The following CLYBL variants were observed in gnomAD, a reference collection of about 807,000 sequenced individuals.
The protein encoded by CLYBL is citramalyl-CoA lyase.
A neutral mutation model predicts 38.9 loss-of-function variants in CLYBL; 31 were observed. The ratio of observed to expected loss-of-function variants is 0.80; its 90% CI spans 0.60 to 1.08. The LOEUF (loss-of-function observed/expected upper bound fraction) is 1.08. CLYBL is among the 50% of genes least tolerant of loss of function. CLYBL has a pLI of 0.00. For synonymous variants in CLYBL, 171 were observed against 158.6 expected, an observed-to-expected ratio of 1.08 and a Z score of -0.59; for missense variants, 434 against 411.6, an observed-to-expected ratio of 1.05 and a Z score of -0.47.
chr13:99,866,594 A>G (rs2051751514), intron 6 of CLYBL, among the ~76,000 whole-genome samples, 187 bp downstream of exon 6: 1 of 151,928 alleles, frequency 6.6e-6, no homozygotes, highest in Non-Finnish European at 1.5e-5. Flanking sequence ...TTGGCCCTGC[A>G]AGTCAACAAA....
chr13:99,847,337 CTG>C (rs2051229123), intron 2 of CLYBL, among the ~76,000 whole-genome samples: 1 of 152,234 alleles, frequency 6.6e-6, no homozygotes, highest in Admixed American at 6.5e-5. Flanking sequence ...TTTGATGACA[CTG>C]TTCCCTTTTG....
In CLYBL at chr13:99,870,810, T is replaced by A. The variant is rs370294034; in HGVS notation, c.803-128T>A. ...TGTTTGTTTTGTTTTGTTTACTCAA[T>A]AAAAAGTTTTAAATTAGTTATTTAA... On this transcript the variant is annotated intron_variant, in intron 6 of 8. Coordinates refer to ENST00000339105, the MANE Select transcript of CLYBL (RefSeq NM_206808.5). 2.7e-3 allele frequency: 2,410 copies of A among 899,756 alleles called. 85 individuals are homozygous for A. The South Asian group carries it at 0.047, about 17-fold the overall frequency. The allele number at this position is 899,756 out of a possible 1,614,324, so 55.7% of individuals were successfully genotyped here. A position where few individuals can be genotyped will look rare whatever the true frequency, so the allele number is the denominator to read the frequency against.
chr13:99,759,763 T>G (rs1007270245), intron 1 of CLYBL, among the ~76,000 whole-genome samples: 3 of 152,246 alleles, frequency 2.0e-5, no homozygotes, highest in Non-Finnish European at 4.4e-5. Flanking sequence ...GTAGCTGTTA[T>G]GTTGCTTCTC....
At chr13:99,791,096 G>T (rs968907954) in intron 2 of CLYBL, among the ~76,000 whole-genome samples, 1 of 152,068 alleles carries the variant, frequency 6.6e-6, no homozygotes, top group African/African-American at 2.4e-5. Context: ...TGTCACTTGT[G>T]GGCAACTTAA....
intron 1 of CLYBL, among the ~76,000 whole-genome samples, chr13:99,672,766 T>A (rs1157277883): frequency 6.6e-6 from 1 of 152,148 alleles, no homozygotes; most frequent in Non-Finnish European, 1.5e-5. Flanking sequence ...CAAGACCCTG[T>A]CTCAAAAAAT....
At chr13:99,754,015 A>G (rs948326649) in intron 1 of CLYBL, among the ~76,000 whole-genome samples, 2 of 137,642 alleles carry the variant, frequency 1.5e-5, no homozygotes, top group Non-Finnish European at 3.1e-5. Context: ...TGAACCGGGG[A>G]GGCAGAGGTT....
At position 99,712,961 on chromosome 13, in the gene CLYBL, G is replaced by C. The variant is rs543916985; in HGVS notation, c.63-59863G>C. ...GTGTCTTCTAGTAGTTATGTGAAAAGAGGGTTCGTGAAAGTTAAATGTTTT... is the reference window on the plus strand; with the variant it reads ...GTGTCTTCTAGTAGTTATGTGAAAACAGGGTTCGTGAAAGTTAAATGTTTT... On this transcript the variant is annotated intron_variant, in intron 1 of 8. Coordinates refer to ENST00000339105, the MANE Select transcript of CLYBL (RefSeq NM_206808.5). 1.6e-4 allele frequency among the ~76,000 whole-genome samples: 24 copies of C among 152,264 alleles called. No individual in the cohort carries two copies. In the South Asian group the frequency reaches 4.8e-3, roughly 30 times the overall value.
At position 99,833,683 on chromosome 13, in the gene CLYBL, C is replaced by CTTTTT. The variant is rs35378080; in HGVS notation, c.250-25156_250-25152dup. On this transcript the variant is annotated intron_variant, in intron 2 of 8. Transcript: ENST00000339105. ...GACAGGAAGCGGGGTTACCGTGTTG[C>CTTTTT]TTTTTTTTTTTTTTTTTTTTTTTTT... 1.6e-4 allele frequency among the ~76,000 whole-genome samples: 9 copies of CTTTTT among 56,112 alleles called. 1 individual carries two copies. Among genetic ancestry groups the CTTTTT allele is most frequent in the Admixed American group, 2.8e-4 (1 of 3,626 alleles). 36.8% of individuals were successfully genotyped at this position (56,112 alleles called of 152,430 possible).
At chr13:99,744,511 G>T (rs1489376927) in intron 1 of CLYBL, among the ~76,000 whole-genome samples, 1 of 152,148 alleles carries the variant, frequency 6.6e-6, no homozygotes. Flanking sequence ...AGTCTGCAGG[G>T]TTCTTATGAC....
intron 7 of CLYBL, among the ~76,000 whole-genome samples, chr13:99,884,145 C>G (rs1214100626): frequency 1.3e-5 from 2 of 152,172 alleles, no homozygotes; most frequent in Non-Finnish European, 2.9e-5. Flanking sequence ...ACCACACTGG[C>G]CCCGACATTA....
chr13:99,731,358 G>A (rs2048587140), intron 1 of CLYBL, among the ~76,000 whole-genome samples: 1 of 150,788 alleles, frequency 6.6e-6, no homozygotes, highest in Admixed American at 6.6e-5. Context: ...AAGCGGCTGA[G>A]CCCAGGGGCT....
intron 8 of CLYBL, among the ~76,000 whole-genome samples, chr13:99,902,962 G>A (rs2052657781): frequency 6.6e-6 from 1 of 152,216 alleles, no homozygotes; most frequent in South Asian, 2.1e-4. Flanking sequence ...TGATGGCAGT[G>A]TTCCGTCTTT....
At chr13:99,798,827 C>G (rs1215900458) in intron 2 of CLYBL, among the ~76,000 whole-genome samples, 1 of 152,070 alleles carries the variant, frequency 6.6e-6, no homozygotes, top group African/African-American at 2.4e-5. Flanking sequence ...TTGTTAATGC[C>G]AATAGGGATT....
chr13:99,631,351 G>GTGTGTGTGTA (rs2046941569), intron 1 of CLYBL, among the ~76,000 whole-genome samples: 1 of 151,538 alleles, frequency 6.6e-6, no homozygotes, highest in Non-Finnish European at 1.5e-5. Context: ...GTGTGTGTGT[G>GTGTGTGTGTA]TGTGTGTGTG....
At chr13:99,832,999 C>CACATATATATATATAT (rs2050838719) in intron 2 of CLYBL, among the ~76,000 whole-genome samples, 1 of 53,680 alleles carries the variant, frequency 1.9e-5, no homozygotes, top group Non-Finnish European at 3.6e-5. Context: ...TATATACATA[C>CACATATATATATATAT]ATACATACAT....
In CLYBL at chr13:99,694,530, C is replaced by T. The variant is rs563586476; in HGVS notation, c.63-78294C>T. 9.3e-4 allele frequency among the ~76,000 whole-genome samples: 142 copies of T among 152,324 alleles called. 2 individuals are homozygous for T. Among genetic ancestry groups the T allele is most frequent in the Admixed American group, 9.3e-3 (142 of 15,296 alleles). ...GCCACCTCTATAAATGGCTGTTTTT[C>T]ACATTTGGTTCCAGCAGGTTCCATC... On this transcript the variant is annotated intron_variant, in intron 1 of 8. Coordinates refer to ENST00000339105, the MANE Select transcript of CLYBL (RefSeq NM_206808.5).
Position 99,793,033 on chromosome 13 carries a change from A to AACACAC in CLYBL, c.249+20053_249+20058dup, listed in dbSNP as rs10631674. Among the ~76,000 whole-genome samples the AACACAC allele has an allele frequency of 7.6e-3, 1,106 of 146,046 alleles. 14 individuals carry two copies. The highest frequency in any genetic ancestry group is 0.031 in the East Asian group (147 of 4,762). ...TCTTCTTGTGCACATGTGCATACATAACACACACACACACACACACACACA... is the reference window on the plus strand; with the variant it reads ...TCTTCTTGTGCACATGTGCATACATAACACACACACACACACACACACACACACACA... On this transcript the variant is annotated intron_variant, in intron 2 of 8. Transcript: ENST00000339105.
At chr13:99,613,025 G>GATGATAATA (rs2046652879) in intron 1 of CLYBL, among the ~76,000 whole-genome samples, 2 of 44,638 alleles carry the variant, frequency 4.5e-5, no homozygotes, top group African/African-American at 1.2e-4. Flanking sequence ...AAATAGTGAT[G>GATGATAATA]ATAATAATAA....
intron 1 of CLYBL, among the ~76,000 whole-genome samples, chr13:99,688,448 T>C (rs1339033007): frequency 6.6e-6 from 1 of 152,372 alleles, no homozygotes; most frequent in African/African-American, 2.4e-5. Context: ...ATGTATTGCC[T>C]TCTTGGCAGC....
Sources: allele counts gnomAD v4.1 joint callset (sites outside exome capture counted in the v4.1 genomes callset), GRCh38; gene constraint gnomAD v4.1.1; transcripts MANE v1.5; gene names NCBI Gene and HGNC (gene_info 2026-07-23, HGNC 2026-07-21).